Variants in GOLGA8K observed in about 807,000 individuals in gnomAD.
The protein encoded by GOLGA8K is golgin A8 family member K.
GOLGA8K carries 12 observed loss-of-function variants against 75.2 expected under a neutral mutation model. That is an observed-to-expected ratio of 0.16 (90% CI 0.10 to 0.26). GOLGA8K has a LOEUF of 0.26. Ranked by LOEUF, GOLGA8K falls within the 10% of genes least tolerant of loss-of-function variation. The pLI is 1.00. For missense variants in GOLGA8K, 109 were observed against 640.8 expected, an observed-to-expected ratio of 0.17 and a Z score of 8.96; for synonymous variants, 48 against 236.6, an observed-to-expected ratio of 0.20 and a Z score of 7.32.
intron 10 of GOLGA8K, 40 bp from the exon 11 acceptor site, chr15:32,397,047 G>A (rs1316944732): frequency 1.8e-6 from 1 of 558,472 alleles, no homozygotes; most frequent in African/African-American, 3.0e-5. Flanking sequence ...GGAGAGAGGG[G>A]CTGGAGGCTG....
intron 8 of GOLGA8K, among the ~76,000 whole-genome samples, 186 bp from the exon 9 acceptor site, chr15:32,397,689 G>A (rs1595670087): frequency 6.6e-6 from 1 of 152,118 alleles, no homozygotes; most frequent in East Asian, 1.9e-4. Context: ...ATGAGACTGA[G>A]TTTATAGCTG....
chr15:32,398,163 TAC>T (rs751814239), intron 8 of GOLGA8K, among the ~76,000 whole-genome samples: 40,351 of 123,948 alleles, frequency 0.33, 6,548 homozygotes, highest in East Asian at 0.45. Flanking sequence ...TCACAGTATG[TAC>T]ACACACACAC....
chr15:32,397,985 G>A (rs1187132446), intron 8 of GOLGA8K, among the ~76,000 whole-genome samples: 2 of 152,088 alleles, frequency 1.3e-5, no homozygotes, highest in Admixed American at 6.6e-5. Context: ...GCTGGGGATG[G>A]GGGCACAGAT....
intron 9 of GOLGA8K, 39 bp downstream of exon 9, chr15:32,397,378 G>T: frequency 8.2e-6 from 9 of 1,093,360 alleles, no homozygotes; most frequent in Non-Finnish European, 1.2e-5. Context: ...GCCACCTGGG[G>T]TCATCTTCCT....
rs746408906 is a variant in GOLGA8K, at chr15:32,393,413, C to A, written c.1464-23G>T. On this transcript the variant is annotated intron_variant, in intron 16 of 18. Transcript: ENST00000512626. ...TTCCTGCGGGAGGACAGGGCTCAGA[C>A]GCTGGGGCCCCTCCGACGGCCCTGT... 4 of 1,073,830 alleles carry A rather than the reference C, an allele frequency of 3.7e-6. 1 individual carries two copies. Among genetic ancestry groups the A allele is most frequent in the Non-Finnish European group, 4.9e-6 (4 of 810,928 alleles). The allele number at this position is 1,073,830 out of a possible 1,614,324, so 66.5% of individuals were successfully genotyped here.
chr15:32,397,590 A>G, intron 8 of GOLGA8K, 87 bp from the exon 9 acceptor site: 3 of 1,429,706 alleles, frequency 2.1e-6, no homozygotes, highest in South Asian at 1.2e-5. Flanking sequence ...GCTAGGCCCA[A>G]TATACAACTC....
In GOLGA8K at chr15:32,397,184, C is replaced by T. The variant is rs1201238318; in HGVS notation, c.786+19G>A. On this transcript the variant is annotated intron_variant, in intron 10 of 18. Coordinates refer to ENST00000512626, the MANE Select transcript of GOLGA8K (RefSeq NM_001282493.2). ...CAGTGACCTATCTAATGTGGGGGGG[C>T]TGAAGGGTCAGATCTCACCTCCTGC... 1 of 1,125,138 alleles carries T rather than the reference C, an allele frequency of 8.9e-7. No individual in the cohort carries two copies. The highest frequency in any genetic ancestry group is 1.3e-6 in the Non-Finnish European group (1 of 771,386). 69.7% of individuals were successfully genotyped at this position (1,125,138 alleles called of 1,614,324 possible).
At chr15:32,394,951 T>C (rs1393795601) in intron 13 of GOLGA8K, among the ~76,000 whole-genome samples, 1 of 149,692 alleles carries the variant, frequency 6.7e-6, no homozygotes, top group South Asian at 2.1e-4. Context: ...TTCTCACAGG[T>C]CAGCTGCTGA....
chr15:32,395,905 G>T lies in GOLGA8K; in HGVS notation c.1200+58C>A, dbSNP rs1183631221. Reference sequence around the variant, plus strand: ...TGACCTGGCACCTCCCCTCCCAAGAGGCTGCTGCCCGCCTCCCAGCCCTTC... The same window carrying T: ...TGACCTGGCACCTCCCCTCCCAAGATGCTGCTGCCCGCCTCCCAGCCCTTC... On this transcript the variant is annotated intron_variant, in intron 13 of 18. Transcript: ENST00000512626. 3.3e-6 allele frequency: 5 copies of T among 1,534,764 alleles called. No homozygotes were observed. In the African/African-American group the frequency reaches 5.5e-5, roughly 17 times the overall value.
intron 14 of GOLGA8K, 110 bp from the exon 15 acceptor site, chr15:32,394,343 G>C: frequency 1.6e-6 from 1 of 636,896 alleles, no homozygotes; most frequent in Non-Finnish European, 2.7e-6. Context: ...CCTCCCCAGA[G>C]AGGAATGAGC....
intron 13 of GOLGA8K, 99 bp downstream of exon 13, chr15:32,395,864 G>A (rs539921826): frequency 1.3e-6 from 2 of 1,542,556 alleles, no homozygotes; most frequent in East Asian, 2.4e-5. Flanking sequence ...CCAGCCCCCA[G>A]GCTGGAAGCT....
At position 32,389,930 on chromosome 15, in the gene GOLGA8K, T is replaced by A. The variant is rs2054525025; in HGVS notation, c.*2852A>T. ...GACTAAGATAAAGTTTTAGAGAAACTATATTATGGATAGGGCTGATTTACA... is the reference window on the plus strand; with the variant it reads ...GACTAAGATAAAGTTTTAGAGAAACAATATTATGGATAGGGCTGATTTACA... On this transcript the variant is annotated 3_prime_UTR_variant, in exon 19 of 19. Transcript: ENST00000512626. Among the ~76,000 whole-genome samples, 1 of 104,046 alleles carries A rather than the reference T, an allele frequency of 9.6e-6. No homozygotes were observed. The highest frequency in any genetic ancestry group is 2.1e-5 in the Non-Finnish European group (1 of 48,386). The allele number at this position is 104,046 out of a possible 152,430, so 68.3% of individuals were successfully genotyped here.
chr15:32,398,929 TC>T lies in GOLGA8K; in HGVS notation c.396+8del. Reference sequence around the variant, plus strand: ...GAGGACAGGAGGAAACTGCACACCCTCCACTCACCTCTAGCACCCTTTTGGC... The same window carrying T: ...GAGGACAGGAGGAAACTGCACACCCTCACTCACCTCTAGCACCCTTTTGGC... On this transcript the variant is annotated splice_region_variant and intron_variant, in intron 6 of 18. Transcript: ENST00000512626. 8.5e-7 allele frequency: 1 copy of T among 1,178,604 alleles called. No homozygotes were observed. Among genetic ancestry groups the T allele is most frequent in the Non-Finnish European group, 1.2e-6 (1 of 829,020 alleles). 73.0% of individuals were successfully genotyped at this position (1,178,604 alleles called of 1,614,324 possible). A position where few individuals can be genotyped will look rare whatever the true frequency, so the allele number is the denominator to read the frequency against.
chr15:32,400,238 A>G lies in GOLGA8K; in HGVS notation c.229-18T>C. On this transcript the variant is annotated intron_variant, in intron 3 of 18. Coordinates refer to ENST00000512626, the MANE Select transcript of GOLGA8K (RefSeq NM_001282493.2). Reference sequence around the variant, plus strand: ...CACGGGCTCTGAGGTGCATGCAGAGAGGAGGAGGTGGAGCAGGAGTGGGGG... The same window carrying G: ...CACGGGCTCTGAGGTGCATGCAGAGGGGAGGAGGTGGAGCAGGAGTGGGGG... 1.0e-6 allele frequency: 1 copy of G among 959,746 alleles called. No individual in the cohort carries two copies. The highest frequency in any genetic ancestry group is 1.8e-5 in the South Asian group (1 of 56,972). The allele number at this position is 959,746 out of a possible 1,614,324, so 59.5% of individuals were successfully genotyped here.
In GOLGA8K at chr15:32,392,947, C is replaced by A; in HGVS notation, c.1728G>T (p.Glu576Asp). 1.5e-6 allele frequency: 2 copies of A among 1,350,956 alleles called. No individual in the cohort carries two copies. The highest frequency in any genetic ancestry group is 2.0e-6 in the Non-Finnish European group (2 of 1,010,398). 83.7% of individuals were successfully genotyped at this position (1,350,956 alleles called of 1,614,324 possible). The change falls in exon 19 of 19, where the codon GAG (glutamate) becomes GAT (aspartate). Residue 576 changes from glutamate to aspartate, a missense_variant. By Grantham distance (45) the Glu-to-Asp change is conservative. Coordinates refer to ENST00000512626, the MANE Select transcript of GOLGA8K (RefSeq NM_001282493.2). ...CTTGGGCAGAGGAGGTGAGGCTCAC[C>A]TCACGAAGATCTTTGGAGAGAGGGA... The part of the protein sequence containing the change: ...GAADKHGDLR[E>D]VSLTSSAQGE...
rs1296369235 is a variant in GOLGA8K at position 32,401,771 on chromosome 15, A to C, written c.49-296T>G. On this transcript the variant is annotated intron_variant, in intron 1 of 18. Coordinates refer to ENST00000512626, the MANE Select transcript of GOLGA8K (RefSeq NM_001282493.2). ...CCAAAACCAGAGGCAGAGGTAGAAA[A>C]GTAAACATTAAGTAGGCAGGAACTG... The C allele has an allele frequency of 1.2e-5, 2 of 173,502 alleles. 1 individual carries two copies. The highest frequency in any genetic ancestry group is 2.1e-5 in the Non-Finnish European group (2 of 96,280). The allele number at this position is 173,502 out of a possible 1,614,324, so 10.7% of individuals were successfully genotyped here.
Position 32,393,711 on chromosome 15 carries a change from C to T in GOLGA8K, c.1366-141G>A, listed in dbSNP as rs1268310019. Reference sequence around the variant, plus strand: ...CTGCAGGGCCCAGTGGGTCTCCCCACTCACAGACTCGCCCCCAGGCCCTGG... The same window carrying T: ...CTGCAGGGCCCAGTGGGTCTCCCCATTCACAGACTCGCCCCCAGGCCCTGG... On this transcript the variant is annotated intron_variant, in intron 15 of 18. Coordinates refer to ENST00000512626, the MANE Select transcript of GOLGA8K (RefSeq NM_001282493.2). 54 of 592,486 alleles carry T rather than the reference C, an allele frequency of 9.1e-5. 4 individuals carry two copies. Among genetic ancestry groups the T allele is most frequent in the Middle Eastern group, 8.6e-4 (2 of 2,314 alleles). The allele number at this position is 592,486 out of a possible 1,614,324, so 36.7% of individuals were successfully genotyped here. A position where few individuals can be genotyped will look rare whatever the true frequency, so the allele number is the denominator to read the frequency against.
At chr15:32,397,745 A>G (rs2054645723) in intron 8 of GOLGA8K, among the ~76,000 whole-genome samples, 1 of 152,142 alleles carries the variant, frequency 6.6e-6, no homozygotes. Context: ...TGTTGTTATT[A>G]TTGTCATTAT....
chr15:32,397,652 A>G, intron 8 of GOLGA8K, 149 bp from the exon 9 acceptor site: 1 of 1,143,856 alleles, frequency 8.7e-7, no homozygotes, highest in South Asian at 1.3e-5. Flanking sequence ...TTTTAAAAGA[A>G]CACAGTAAAG....
Sources: allele counts gnomAD v4.1 joint callset (sites outside exome capture counted in the v4.1 genomes callset), GRCh38; gene constraint gnomAD v4.1.1; transcripts MANE v1.5; gene names NCBI Gene and HGNC (gene_info 2026-07-23, HGNC 2026-07-21).